The following NMNAT1 variants were observed in gnomAD, a reference collection of about 807,000 sequenced individuals.
NMNAT1 encodes the protein nicotinamide/nicotinic acid mononucleotide adenylyltransferase 1.
NMNAT1 carries 11 observed loss-of-function variants against 16.7 expected under a neutral mutation model. That is an observed-to-expected ratio of 0.66 (90% CI 0.41 to 1.09). The LOEUF (loss-of-function observed/expected upper bound fraction) is 1.09, where lower values mean the gene tolerates loss of function less well. NMNAT1 is among the 50% of genes least tolerant of loss of function. The pLI is 0.00. For synonymous variants in NMNAT1, 110 were observed against 119.8 expected (o/e 0.92, Z 0.53); for missense variants, 280 against 332.3 (o/e 0.84, Z 1.22).
chr1:9,964,890 G>A (rs1289128558), intron 1 of NMNAT1, among the ~76,000 whole-genome samples: 1 of 140,240 alleles, frequency 7.1e-6, no homozygotes, highest in Non-Finnish European at 1.5e-5. Flanking sequence ...AGAGGTTGCA[G>A]TGAGCCAAGA....
intron 1 of NMNAT1, among the ~76,000 whole-genome samples, chr1:9,953,797 CTTTTTTTTTTTT>C (rs34585788): frequency 5.0e-5 from 3 of 60,196 alleles, no homozygotes; most frequent in East Asian, 6.3e-4. Context: ...ATATATCACT[CTTTTTTTTTTTT>C]TTTTTTTTTT....
intron 3 of NMNAT1, among the ~76,000 whole-genome samples, chr1:9,980,812 A>T (rs1227412016): frequency 2.0e-5 from 3 of 151,486 alleles, no homozygotes; most frequent in African/African-American, 7.3e-5. Flanking sequence ...GCCCGCCACC[A>T]CACCCGGCTA....
At chr1:9,968,064 TGTA>T (rs1177712190) in intron 1 of NMNAT1, among the ~76,000 whole-genome samples, 8 of 129,332 alleles carry the variant, frequency 6.2e-5, no homozygotes, top group African/African-American at 2.1e-4. Flanking sequence ...ATTTGCCAAA[TGTA>T]GTTTTTTTTT....
At chr1:9,971,606 C>A (rs575844804) in intron 1 of NMNAT1, among the ~76,000 whole-genome samples, 6 of 152,020 alleles carry the variant, frequency 3.9e-5, no homozygotes, top group Non-Finnish European at 5.9e-5. Flanking sequence ...GCCACCACGC[C>A]CAGCCAAAGC....
downstream of NMNAT1, among the ~76,000 whole-genome samples, chr1:9,990,113 C>A (rs1033114587): frequency 1.3e-5 from 2 of 152,200 alleles, no homozygotes; most frequent in Non-Finnish European, 2.9e-5. Context: ...AGGGAAATAC[C>A]CTGCTTCAAA....
upstream of NMNAT1, chr1:9,943,124 TCCCAC>T: frequency 5.8e-6 from 1 of 173,742 alleles, no homozygotes; most frequent in African/African-American, 2.3e-5. Flanking sequence ...CCGCAGCAAA[TCCCAC>T]CCCACGCGGG....
At chr1:9,945,483 G>A (rs1316441563) in intron 1 of NMNAT1, among the ~76,000 whole-genome samples, 3 of 152,070 alleles carry the variant, frequency 2.0e-5, no homozygotes, top group South Asian at 2.1e-4. Context: ...GGCGGATCAC[G>A]AGGTCAGGAG....
chr1:9,943,205 G>A (rs1039639802), upstream of NMNAT1: 73 of 170,594 alleles, frequency 4.3e-4, no homozygotes, highest in East Asian at 1.5e-4. Context: ...TGCCACCAGA[G>A]GTAGCCGTAA....
chr1:9,976,963 A>G (rs558097947), intron 3 of NMNAT1, among the ~76,000 whole-genome samples: 2 of 142,126 alleles, frequency 1.4e-5, no homozygotes, highest in African/African-American at 5.3e-5. Context: ...CTGGAGTGCA[A>G]TGGCATGATC....
intron 4 of NMNAT1, 142 bp from the exon 5 acceptor site, chr1:9,982,159 G>A (rs973851955): frequency 2.6e-5 from 29 of 1,118,924 alleles, no homozygotes; most frequent in African/African-American, 3.1e-5. Flanking sequence ...CACCGCACTC[G>A]GCCTAAGCCC....
At chr1:9,960,893 C>G (rs926517716) in intron 1 of NMNAT1, 4 of 152,250 alleles carry the variant, frequency 2.6e-5, no homozygotes, top group East Asian at 1.9e-4. Flanking sequence ...CCACAGCCCC[C>G]CTATACGCAT....
At chr1:9,943,086 G>C (rs1640843284), upstream of NMNAT1, 1 of 216,724 alleles carries the variant, frequency 4.6e-6, no homozygotes, top group Non-Finnish European at 9.8e-6. Context: ...AGAACCAACA[G>C]GACTGGGTGA....
chr1:9,991,486 C>A, the NMNAT1 span, among the ~76,000 whole-genome samples: 1 of 152,096 alleles, frequency 6.6e-6, no homozygotes, highest in Non-Finnish European at 1.5e-5. Flanking sequence ...CTATGTCTTA[C>A]AGTTATGAGA....
intron 3 of NMNAT1, among the ~76,000 whole-genome samples, chr1:9,977,723 G>A (rs1157480315): frequency 6.6e-6 from 1 of 151,600 alleles, no homozygotes; most frequent in East Asian, 1.9e-4. Flanking sequence ...AAAATTAGCT[G>A]GGCCCATACC....
intron 2 of NMNAT1, among the ~76,000 whole-genome samples, 158 bp from the exon 3 acceptor site, chr1:9,975,434 G>A (rs1160190199): frequency 6.6e-6 from 1 of 152,176 alleles, no homozygotes; most frequent in East Asian, 1.9e-4. Context: ...CCAGGAGGCG[G>A]AGGTTGCAGT....
chr1:9,982,441 C>T lies in NMNAT1; in HGVS notation c.580C>T (p.Gln194Ter). The change falls in exon 5 of 5, where the codon CAG becomes TAG. Residue 194 changes from glutamine (Q) to a stop codon, truncating the protein, a stop_gained. Coordinates refer to ENST00000377205, the MANE Select transcript of NMNAT1 (RefSeq NM_022787.4). LOFTEE classifies it high-confidence loss of function. ...ICVTRAGNDA[Q>*]KFIYESDVLW... ...TGTTACTCGGGCTGGAAATGATGCTCAGAAGTTTATCTATGAATCGGATGT... is the reference window on the plus strand; with the variant it reads ...TGTTACTCGGGCTGGAAATGATGCTTAGAAGTTTATCTATGAATCGGATGT... The T allele has an allele frequency of 6.2e-7, 1 of 1,614,092 alleles. No homozygotes were observed. Among genetic ancestry groups the T allele is most frequent in the Non-Finnish European group, 8.5e-7 (1 of 1,180,030 alleles).
downstream of NMNAT1, among the ~76,000 whole-genome samples, chr1:9,987,982 A>C (rs1212802195): frequency 6.6e-6 from 1 of 152,060 alleles, no homozygotes; most frequent in African/African-American, 2.4e-5. Context: ...GTCTAGCATG[A>C]AGTATGGTTT....
chr1:9,976,167 A>C (rs975104203), intron 3 of NMNAT1, among the ~76,000 whole-genome samples: 1 of 151,884 alleles, frequency 6.6e-6, no homozygotes, highest in South Asian at 2.1e-4. Context: ...CATGCCTGTA[A>C]TCCCAGCTAC....
In NMNAT1 at chr1:9,982,877, G is replaced by T; in HGVS notation, c.*176G>T. 3.4e-6 allele frequency: 2 copies of T among 583,528 alleles called. No homozygotes were observed. Among genetic ancestry groups the T allele is most frequent in the Non-Finnish European group, 5.8e-6 (2 of 342,026 alleles). 36.1% of individuals were successfully genotyped at this position (583,528 alleles called of 1,614,324 possible). The stretch of plus-strand genomic sequence containing the variant: ...AATCCCAGCACTTTGGGAGGCTGAG[G>T]CAGGTGGATCACGGGGTCAAGAGAT... On this transcript the variant is annotated 3_prime_UTR_variant, in exon 5 of 5. Transcript: ENST00000377205.
Sources: allele counts gnomAD v4.1 joint callset (sites outside exome capture counted in the v4.1 genomes callset), GRCh38; gene constraint gnomAD v4.1.1; transcripts MANE v1.5; gene names NCBI Gene and HGNC (gene_info 2026-07-23, HGNC 2026-07-21).